Variants in ANKRD22 observed in about 807,000 individuals in gnomAD.
The protein encoded by ANKRD22 is ankyrin repeat domain 22.
In ANKRD22, 24 loss-of-function variants were observed where a neutral mutation model predicts 25.7. The ratio of observed to expected loss-of-function variants is 0.93; its 90% CI spans 0.68 to 1.31. ANKRD22 has a LOEUF of 1.31. ANKRD22 is among the 50% of genes most tolerant of loss of function. The pLI, the probability that ANKRD22 is intolerant of heterozygous loss-of-function variation, is 0.00. For synonymous variants in ANKRD22, 84 were observed against 84.3 expected, an observed-to-expected ratio of 1.00 and a Z score of 0.02; for missense variants, 214 against 227.1, an observed-to-expected ratio of 0.94 and a Z score of 0.37.
At position 88,840,103 on chromosome 10, in the gene ANKRD22, T is replaced by A. The variant is rs146709377; in HGVS notation, c.22-8077A>T. ...AGGAGCATTCAAAACTCTGGAATAATGGAACATTAGGAAAAATTTTTTGTG... is the reference window on the plus strand; with the variant it reads ...AGGAGCATTCAAAACTCTGGAATAAAGGAACATTAGGAAAAATTTTTTGTG... On this transcript the variant is annotated intron_variant, in intron 1 of 5. Transcript: ENST00000371930. Among the ~76,000 whole-genome samples the A allele has an allele frequency of 6.1e-3, 930 of 152,298 alleles. 10 individuals carry two copies. The highest frequency in any genetic ancestry group is 0.021 in the African/African-American group (858 of 41,560).
chr10:88,846,077 A>T (rs1331783846), intron 1 of ANKRD22, among the ~76,000 whole-genome samples: 1 of 152,110 alleles, frequency 6.6e-6, no homozygotes, highest in Non-Finnish European at 1.5e-5. Context: ...AATTTCTTCA[A>T]TATCAACTTC....
chr10:88,842,427 C>A (rs987668240), intron 1 of ANKRD22, among the ~76,000 whole-genome samples: 4 of 152,108 alleles, frequency 2.6e-5, no homozygotes, highest in African/African-American at 9.7e-5. Flanking sequence ...CACTCCTATG[C>A]AACTCCATGC....
rs1414901635 is a variant in ANKRD22 at position 88,825,005 on chromosome 10, TCTCTCTCA to T, written c.399+1025_399+1032del. Among the ~76,000 whole-genome samples the T allele has an allele frequency of 3.2e-3, 291 of 92,344 alleles. 2 individuals are homozygous for T. Among genetic ancestry groups the T allele is most frequent in the South Asian group, 8.0e-3 (13 of 1,622 alleles). 60.6% of individuals were successfully genotyped at this position (92,344 alleles called of 152,430 possible). ...CTTTTGCTCTCTCTCTCTCTCTCTC[TCTCTCTCA>T]CACACACACACACACACACACACAC... On this transcript the variant is annotated intron_variant, in intron 4 of 5. Coordinates refer to ENST00000371930, the MANE Select transcript of ANKRD22 (RefSeq NM_144590.3).
intron 1 of ANKRD22, among the ~76,000 whole-genome samples, chr10:88,833,496 G>A (rs1195780577): frequency 6.6e-6 from 1 of 152,144 alleles, no homozygotes; most frequent in Non-Finnish European, 1.5e-5. Context: ...AAATTTTTTG[G>A]TATGGGTAGG....
In ANKRD22 at chr10:88,839,785, G is replaced by A. The variant is rs191817584; in HGVS notation, c.22-7759C>T. Among the ~76,000 whole-genome samples the A allele has an allele frequency of 2.3e-3, 352 of 152,260 alleles. 1 individual carries two copies. Among genetic ancestry groups the A allele is most frequent in the African/African-American group, 7.8e-3 (325 of 41,548 alleles). On this transcript the variant is annotated intron_variant, in intron 1 of 5. Transcript: ENST00000371930. ...AGGGGTTGATGTTTAGAAGGTAATC[G>A]ATCATGTAAGGACCAGGACAATATT...
At chr10:88,844,398 T>A (rs762480689) in intron 1 of ANKRD22, among the ~76,000 whole-genome samples, 1 of 152,170 alleles carries the variant, frequency 6.6e-6, no homozygotes, top group Non-Finnish European at 1.5e-5. Context: ...TTTAGAAAGT[T>A]AGTGTTAAGA....
chr10:88,828,661 CTCTT>C lies in ANKRD22; in HGVS notation c.215_218del (p.Lys72ArgfsTer9), dbSNP rs768469100. 3 of 1,580,194 alleles carry C rather than the reference CTCTT, an allele frequency of 1.9e-6. No homozygotes were observed. The African/African-American group carries it at 4.1e-5, about 22-fold the overall frequency. Reference sequence around the variant, plus strand: ...TCACAGCATAATGCAAGCAGGTTCTCTCTTTCTAAAAATTAAGAAAAGGATTCTT... The same window carrying C: ...TCACAGCATAATGCAAGCAGGTTCTCTCTAAAAATTAAGAAAAGGATTCTT... On this transcript the variant is annotated frameshift_variant and splice_region_variant, in exon 3 of 6. Coordinates refer to ENST00000371930, the MANE Select transcript of ANKRD22 (RefSeq NM_144590.3). LOFTEE classifies it high-confidence loss of function.
chr10:88,843,219 C>T (rs1465047650), intron 1 of ANKRD22, among the ~76,000 whole-genome samples: 1 of 152,160 alleles, frequency 6.6e-6, no homozygotes, highest in Non-Finnish European at 1.5e-5. Context: ...ACCTCCAATT[C>T]CTTGTGTCTT....
Position 88,841,494 on chromosome 10 carries a change from C to G in ANKRD22, c.22-9468G>C, listed in dbSNP as rs113302110. On this transcript the variant is annotated intron_variant, in intron 1 of 5. Coordinates refer to ENST00000371930, the MANE Select transcript of ANKRD22 (RefSeq NM_144590.3). ...AGAGAGCAACGAACTCAGAGTTGAG[C>G]AAAATTGGCTTTCACAAACCAGTTC... Among the ~76,000 whole-genome samples the G allele has an allele frequency of 2.5e-3, 375 of 152,264 alleles. 3 individuals are homozygous for G. The highest frequency in any genetic ancestry group is 8.6e-3 in the African/African-American group (356 of 41,564).
chr10:88,828,964 T>C (rs546408851), intron 2 of ANKRD22, among the ~76,000 whole-genome samples: 3 of 152,314 alleles, frequency 2.0e-5, no homozygotes, highest in Non-Finnish European at 2.9e-5. Context: ...GAAAAAAAGA[T>C]ACACTGAGAT....
chr10:88,841,575 A>T (rs894481850), intron 1 of ANKRD22, among the ~76,000 whole-genome samples: 20 of 152,158 alleles, frequency 1.3e-4, no homozygotes, highest in Non-Finnish European at 5.9e-5. Flanking sequence ...AGGAACTGGC[A>T]TATATTTCCG....
chr10:88,849,773 A>C (rs538202926), intron 1 of ANKRD22, among the ~76,000 whole-genome samples: 1 of 152,272 alleles, frequency 6.6e-6, no homozygotes, highest in East Asian at 1.9e-4. Context: ...CCTTGTTTAA[A>C]AGTCCATCTT....
At chr10:88,824,482 A>T (rs1467677286) in intron 4 of ANKRD22, among the ~76,000 whole-genome samples, 3 of 152,238 alleles carry the variant, frequency 2.0e-5, no homozygotes, top group Admixed American at 2.0e-4. Flanking sequence ...GAATTTTGTC[A>T]TGTGAAATAG....
At position 88,822,747 on chromosome 10, in the gene ANKRD22, C is replaced by G; in HGVS notation, c.*194G>C. The G allele has an allele frequency of 1.8e-6, 1 of 556,610 alleles. No individual in the cohort carries two copies. The highest frequency in any genetic ancestry group is 3.2e-6 in the Non-Finnish European group (1 of 313,142). 34.5% of individuals were successfully genotyped at this position (556,610 alleles called of 1,614,324 possible). A position where few individuals can be genotyped will look rare whatever the true frequency, so the allele number is the denominator to read the frequency against. Reference sequence around the variant, plus strand: ...TTTAGTGTTTCCCTTAGAAGGATTACGGCCATGGTGAACTTGACTGAGTAA... The same window carrying G: ...TTTAGTGTTTCCCTTAGAAGGATTAGGGCCATGGTGAACTTGACTGAGTAA... On this transcript the variant is annotated 3_prime_UTR_variant, in exon 6 of 6. Transcript: ENST00000371930.
intron 3 of ANKRD22, among the ~76,000 whole-genome samples, chr10:88,827,266 T>C (rs1185765601): frequency 6.6e-6 from 1 of 152,224 alleles, no homozygotes; most frequent in Non-Finnish European, 1.5e-5. Flanking sequence ...TTTCCTCTCA[T>C]GTCACTTATT....
chr10:88,849,012 G>GTT (rs1170029105), intron 1 of ANKRD22, among the ~76,000 whole-genome samples: 2 of 151,808 alleles, frequency 1.3e-5, no homozygotes, highest in Admixed American at 1.3e-4. Context: ...GTGCATGTGT[G>GTT]TGTGTGTGTG....
intron 3 of ANKRD22, among the ~76,000 whole-genome samples, chr10:88,827,910 G>A (rs1433941161): frequency 6.6e-6 from 1 of 152,160 alleles, no homozygotes; most frequent in Non-Finnish European, 1.5e-5. Context: ...AAGTGAGTAA[G>A]TCAGTGCAGA....
intron 1 of ANKRD22, among the ~76,000 whole-genome samples, chr10:88,840,085 T>A (rs1257900867): frequency 6.6e-6 from 1 of 152,146 alleles, no homozygotes; most frequent in Non-Finnish European, 1.5e-5. Context: ...CTAAGGAGCA[T>A]TCAAAACTCT....
At chr10:88,830,026 C>T (rs903218281) in intron 2 of ANKRD22, among the ~76,000 whole-genome samples, 1 of 152,192 alleles carries the variant, frequency 6.6e-6, no homozygotes, top group African/African-American at 2.4e-5. Context: ...TGGTCTCAAA[C>T]TATCCTTCCA....
Sources: allele counts gnomAD v4.1 joint callset (sites outside exome capture counted in the v4.1 genomes callset), GRCh38; gene constraint gnomAD v4.1.1; transcripts MANE v1.5; gene names NCBI Gene and HGNC (gene_info 2026-07-23, HGNC 2026-07-21).